Variants in CSNK2A2IP observed in about 807,000 individuals in gnomAD.
CSNK2A2IP encodes casein kinase II subunit alpha'-interacting protein.
the CSNK2A2IP span, among the ~76,000 whole-genome samples, chr3:88,421,531 C>A: frequency 2.0e-5 from 3 of 152,146 alleles, no homozygotes; most frequent in African/African-American, 7.2e-5. Context: ...ATTCTCCTAC[C>A]TCAGCCTCAA....
chr3:88,442,332 G>T, the CSNK2A2IP span, among the ~76,000 whole-genome samples: 2 of 152,040 alleles, frequency 1.3e-5, no homozygotes, highest in Admixed American at 1.3e-4. Context: ...AAACCACTGC[G>T]CCTAGCTTGA....
At chr3:88,409,481 T>C in the CSNK2A2IP span, among the ~76,000 whole-genome samples, 1 of 151,680 alleles carries the variant, frequency 6.6e-6, no homozygotes, top group Non-Finnish European at 1.5e-5. Context: ...TCTTCAAAGT[T>C]TGGGGGGAAA....
chr3:88,441,326 G>A, the CSNK2A2IP span, among the ~76,000 whole-genome samples: 2 of 152,120 alleles, frequency 1.3e-5, no homozygotes, highest in South Asian at 2.1e-4. Flanking sequence ...AAATAATATA[G>A]CTTCTTCAGA....
the CSNK2A2IP span, among the ~76,000 whole-genome samples, chr3:88,340,211 C>T: frequency 6.6e-6 from 1 of 151,774 alleles, no homozygotes; most frequent in Non-Finnish European, 1.5e-5. Context: ...TATTCTGAGT[C>T]TTACAGGGTC....
chr3:88,446,257 T>A, the CSNK2A2IP span, among the ~76,000 whole-genome samples: 2 of 151,974 alleles, frequency 1.3e-5, no homozygotes, highest in African/African-American at 4.8e-5. Context: ...CCCAGCTAAT[T>A]TTTTGTGTCT....
chr3:88,446,106 CTTTCTTTCTTTTT>C, the CSNK2A2IP span, among the ~76,000 whole-genome samples: 1 of 81,458 alleles, frequency 1.2e-5, no homozygotes, highest in Non-Finnish European at 2.5e-5. Context: ...TTCTTTTTTT[CTTTCTTTCTTTTT>C]TTTCTTTCTT....
At chr3:88,396,544 A>G in the CSNK2A2IP span, among the ~76,000 whole-genome samples, 17 of 152,214 alleles carry the variant, frequency 1.1e-4, no homozygotes, top group Admixed American at 1.1e-3. Context: ...AGTGAAGCAC[A>G]TTCTATCCAC....
At chr3:88,394,838 C>T in the CSNK2A2IP span, among the ~76,000 whole-genome samples, 1 of 152,054 alleles carries the variant, frequency 6.6e-6, no homozygotes, top group Non-Finnish European at 1.5e-5. Context: ...GGATACAAGC[C>T]CTTTGTTCTA....
the CSNK2A2IP span, among the ~76,000 whole-genome samples, chr3:88,458,644 A>T: frequency 1.3e-5 from 2 of 151,722 alleles, no homozygotes; most frequent in Non-Finnish European, 2.9e-5. Context: ...CTTAAGGAGG[A>T]AGCTAATGTC....
At chr3:88,423,908 A>G in the CSNK2A2IP span, among the ~76,000 whole-genome samples, 1 of 152,126 alleles carries the variant, frequency 6.6e-6, no homozygotes, top group Non-Finnish European at 1.5e-5. Context: ...AAATGAGCAA[A>G]CTTAAAAATC....
chr3:88,340,860 C>A, the CSNK2A2IP span, among the ~76,000 whole-genome samples: 1 of 152,014 alleles, frequency 6.6e-6, no homozygotes, highest in South Asian at 2.1e-4. Flanking sequence ...TCTTACTGAA[C>A]TGCATGTGAG....
the CSNK2A2IP span, among the ~76,000 whole-genome samples, chr3:88,430,636 G>A: frequency 0.21 from 31,441 of 151,814 alleles, 3,604 homozygotes; most frequent in African/African-American, 0.29. Context: ...ATATCAGGCT[G>A]GTAAAAATTT....
chr3:88,344,512 C>G, the CSNK2A2IP span, among the ~76,000 whole-genome samples: 1 of 151,860 alleles, frequency 6.6e-6, no homozygotes, highest in Non-Finnish European at 1.5e-5. Flanking sequence ...GAGTTCAAAG[C>G]TAATTGCTCT....
the CSNK2A2IP span, among the ~76,000 whole-genome samples, chr3:88,413,751 A>G: frequency 1.3e-5 from 2 of 152,122 alleles, no homozygotes; most frequent in African/African-American, 4.8e-5. Context: ...AAATAAAAAA[A>G]CATGCATAGG....
At chr3:88,388,861 C>A in the CSNK2A2IP span, among the ~76,000 whole-genome samples, 1 of 151,974 alleles carries the variant, frequency 6.6e-6, no homozygotes, top group East Asian at 1.9e-4. Flanking sequence ...TAGATTATTT[C>A]CACCTTCTGC....
At chr3:88,346,337 G>A in the CSNK2A2IP span, among the ~76,000 whole-genome samples, 3 of 151,984 alleles carry the variant, frequency 2.0e-5, no homozygotes, top group East Asian at 5.8e-4. Context: ...ACACTAAACA[G>A]ATTTTCAATG....
At chr3:88,359,039 C>CT in the CSNK2A2IP span, among the ~76,000 whole-genome samples, 15,179 of 147,984 alleles carry the variant, frequency 0.1, 867 homozygotes, top group East Asian at 0.22. Flanking sequence ...TACGCGTGCT[C>CT]TTTTTTTTTG....
At chr3:88,394,865 A>C in the CSNK2A2IP span, among the ~76,000 whole-genome samples, 1 of 152,220 alleles carries the variant, frequency 6.6e-6, no homozygotes, top group Non-Finnish European at 1.5e-5. Flanking sequence ...AACAACAGAC[A>C]CTGGGGTCTA....
the CSNK2A2IP span, among the ~76,000 whole-genome samples, chr3:88,412,196 C>T: frequency 6.6e-6 from 1 of 151,816 alleles, no homozygotes; most frequent in Admixed American, 6.6e-5. Flanking sequence ...ATATTTATAG[C>T]TTTGACTATA....
Sources: allele counts gnomAD v4.1 joint callset (sites outside exome capture counted in the v4.1 genomes callset), GRCh38; gene constraint gnomAD v4.1.1; transcripts MANE v1.5; gene names NCBI Gene and HGNC (gene_info 2026-07-23, HGNC 2026-07-21).